Variants in CAMTA1 observed in about 807,000 individuals in gnomAD.
CAMTA1 encodes calmodulin binding transcription activator 1.
CAMTA1 carries 27 observed loss-of-function variants against 170.9 expected under a neutral mutation model. The ratio of observed to expected loss-of-function variants is 0.16; its 90% CI spans 0.12 to 0.22. The LOEUF (loss-of-function observed/expected upper bound fraction) is 0.22. CAMTA1 is among the 10% of genes least tolerant of loss of function. The pLI, the probability that CAMTA1 is intolerant of heterozygous loss-of-function variation, is 1.00. For synonymous variants in CAMTA1, 833 were observed against 891.5 expected, an observed-to-expected ratio of 0.93 and a Z score of 1.17; for missense variants, 1,619 against 2,217.2, an observed-to-expected ratio of 0.73 and a Z score of 5.42.
At chr1:7,022,914 G>A (rs1432918501) in intron 3 of CAMTA1, among the ~76,000 whole-genome samples, 3 of 152,104 alleles carry the variant, frequency 2.0e-5, no homozygotes, top group East Asian at 1.9e-4. Flanking sequence ...TCCAGGTGCC[G>A]GAAGCCAGGA....
intron 5 of CAMTA1, among the ~76,000 whole-genome samples, chr1:7,288,895 G>T (rs988269314): frequency 6.6e-6 from 1 of 152,162 alleles, no homozygotes; most frequent in Non-Finnish European, 1.5e-5. Context: ...TTACTACAGA[G>T]AAATGCCTGA....
intron 6 of CAMTA1, among the ~76,000 whole-genome samples, chr1:7,638,497 C>T (rs549135837): frequency 2.6e-4 from 39 of 152,102 alleles, no homozygotes; most frequent in African/African-American, 8.2e-4. Context: ...AAAAATTAGC[C>T]GGGCTGTGGT....
chr1:7,625,459 G>T (rs2095627106), intron 6 of CAMTA1, among the ~76,000 whole-genome samples: 1 of 152,254 alleles, frequency 6.6e-6, no homozygotes, highest in South Asian at 2.1e-4. Flanking sequence ...GATGCTTAGA[G>T]TTGCCCCTGC....
chr1:6,853,271 A>G (rs557408867), intron 3 of CAMTA1: 1 of 152,346 alleles, frequency 6.6e-6, no homozygotes, highest in East Asian at 1.9e-4. Flanking sequence ...TAGTAGTAGC[A>G]TATAAGTTGT....
At chr1:7,405,774 C>A (rs531794889) in intron 5 of CAMTA1, among the ~76,000 whole-genome samples, 1 of 152,314 alleles carries the variant, frequency 6.6e-6, no homozygotes, top group Admixed American at 6.5e-5. Context: ...GTGAGGCTTC[C>A]ACACACTGAT....
intron 5 of CAMTA1, among the ~76,000 whole-genome samples, chr1:7,398,413 TATTTTCCATTTGCATGGAATATC>T (rs2089613548): frequency 6.6e-6 from 1 of 151,560 alleles, no homozygotes; most frequent in Non-Finnish European, 1.5e-5. Context: ...TGCACTCTTT[TATTTTCCATTTGCATGGAATATC>T]ATTTTCCATC....
At chr1:7,705,949 T>C (rs2096520161) in intron 11 of CAMTA1, among the ~76,000 whole-genome samples, 1 of 152,030 alleles carries the variant, frequency 6.6e-6, no homozygotes, top group Non-Finnish European at 1.5e-5. Context: ...GGAGCTCTGG[T>C]GATTGGGTTT....
intron 6 of CAMTA1, among the ~76,000 whole-genome samples, chr1:7,605,725 A>G (rs2095481071): frequency 6.6e-6 from 1 of 152,190 alleles, no homozygotes; most frequent in Non-Finnish European, 1.5e-5. Flanking sequence ...TAGTGAGATG[A>G]ACCCGGTACC....
intron 3 of CAMTA1, among the ~76,000 whole-genome samples, chr1:7,032,517 C>T (rs765812126): frequency 2.6e-5 from 4 of 151,934 alleles, no homozygotes; most frequent in Non-Finnish European, 4.4e-5. Flanking sequence ...TCTTCTCATA[C>T]CTTTTACTTA....
In CAMTA1 at chr1:6,970,703, G is replaced by T. The variant is rs1388353175; in HGVS notation, c.235-120601G>T. On this transcript the variant is annotated intron_variant, in intron 3 of 22. Transcript: ENST00000303635. This position sits in a 1 kb window ranked among gnomAD's most constrained non-coding sequence, Gnocchi z 4.4. ...GGGGGCTACTAGAGCACCTGTTCAG[G>T]ACGTATCATCCAGTCCTGGTGGGTC... 6.6e-6 allele frequency among the ~76,000 whole-genome samples: 1 copy of T among 152,206 alleles called. No individual in the cohort carries two copies. Among genetic ancestry groups the T allele is most frequent in the East Asian group, 1.9e-4 (1 of 5,196 alleles).
chr1:7,737,060 T>C (rs372633857), intron 14 of CAMTA1, 51 bp downstream of exon 14: 12 of 1,472,446 alleles, frequency 8.1e-6, no homozygotes, highest in Non-Finnish European at 1.1e-5. Flanking sequence ...CAGTCTGGCA[T>C]AGGATTTGCC....
chr1:7,412,329 G>A (rs1230721261), intron 5 of CAMTA1, among the ~76,000 whole-genome samples: 9 of 151,620 alleles, frequency 5.9e-5, no homozygotes, highest in Non-Finnish European at 8.8e-5. Context: ...CTGAGGAATC[G>A]CCACACTGAC....
At position 6,785,548 on chromosome 1, in the gene CAMTA1, G is replaced by T; in HGVS notation, c.18G>T (p.Gly6=). 9.3e-7 allele frequency: 1 copy of T among 1,079,642 alleles called. No homozygotes were observed. Among genetic ancestry groups the T allele is most frequent in the Non-Finnish European group, 1.1e-6 (1 of 873,774 alleles). 66.9% of individuals were successfully genotyped at this position (1,079,642 alleles called of 1,614,324 possible). Reference sequence around the variant, plus strand: ...GGAGGAGGATGTGGCGCGCGGAGGGGAAATGGCTGCCGAAAACAAGCCGGA... The same window carrying T: ...GGAGGAGGATGTGGCGCGCGGAGGGTAAATGGCTGCCGAAAACAAGCCGGA... The part of the protein sequence containing the change: MWRAE[G]KWLPKTSRKS... Residue 6 remains glycine, a synonymous_variant, in exon 1 of 23, where the codon GGG becomes GGT. Transcript: ENST00000303635.
At chr1:6,906,302 C>T (rs1678461887) in intron 3 of CAMTA1, among the ~76,000 whole-genome samples, 1 of 152,186 alleles carries the variant, frequency 6.6e-6, no homozygotes, top group African/African-American at 2.4e-5. Flanking sequence ...AAAGGACTGT[C>T]TTCCCAATAC....
intron 6 of CAMTA1, among the ~76,000 whole-genome samples, chr1:7,629,856 G>A (rs1035903627): frequency 2.6e-5 from 4 of 151,826 alleles, no homozygotes; most frequent in African/African-American, 9.7e-5. Flanking sequence ...GTGGATCCTG[G>A]GAGGTCCTCT....
chr1:7,505,431 G>A (rs1259221008), intron 6 of CAMTA1, among the ~76,000 whole-genome samples: 2 of 152,178 alleles, frequency 1.3e-5, no homozygotes, highest in Admixed American at 6.5e-5. Context: ...CAGACAGAGC[G>A]TGCCACCCTC....
At chr1:7,398,223 A>T (rs1267644014) in intron 5 of CAMTA1, among the ~76,000 whole-genome samples, 9 of 115,406 alleles carry the variant, frequency 7.8e-5, no homozygotes, top group Non-Finnish European at 1.6e-4. Context: ...ATATATATAT[A>T]TATATATATA....
At chr1:7,364,523 C>T (rs2085815697) in intron 5 of CAMTA1, among the ~76,000 whole-genome samples, 1 of 151,918 alleles carries the variant, frequency 6.6e-6, no homozygotes. Context: ...AATCCTAGCT[C>T]ACTGCTTTCC....
In CAMTA1 at chr1:7,175,411, G is replaced by C. The variant is rs143735854; in HGVS notation, c.303-74080G>C. ...CCTGCTTAACTCTTCAAGAAAGCCA[G>C]AGTATCTTGTTTGAACAGTTGGCCA... On this transcript the variant is annotated intron_variant, in intron 4 of 22. Coordinates refer to ENST00000303635, the MANE Select transcript of CAMTA1 (RefSeq NM_015215.4). Among the ~76,000 whole-genome samples the C allele has an allele frequency of 9.5e-3, 1,454 of 152,308 alleles. 17 individuals are homozygous for C. The highest frequency in any genetic ancestry group is 0.016 in the Admixed American group (250 of 15,302).
Sources: allele counts gnomAD v4.1 joint callset (sites outside exome capture counted in the v4.1 genomes callset), GRCh38; gene constraint gnomAD v4.1.1; non-coding constraint Gnocchi (gnomAD v3.1); transcripts MANE v1.5; gene names NCBI Gene and HGNC (gene_info 2026-07-23, HGNC 2026-07-21).